The following AAGAB variants were observed in gnomAD, a reference collection of about 807,000 sequenced individuals.
The protein encoded by AAGAB is alpha and gamma adaptin binding protein.
AAGAB carries 38 observed loss-of-function variants against 44.1 expected under a neutral mutation model. The ratio of observed to expected loss-of-function variants is 0.86; its 90% CI spans 0.67 to 1.13. AAGAB has a LOEUF of 1.13. Among genes scored for constraint, AAGAB ranks in the 50% most tolerant of loss-of-function variants. The pLI, the probability that AAGAB is intolerant of heterozygous loss-of-function variation, is 0.00. For synonymous variants in AAGAB, 131 were observed against 131.8 expected, an observed-to-expected ratio of 0.99 and a Z score of 0.04; for missense variants, 450 against 373.8, an observed-to-expected ratio of 1.20 and a Z score of -1.68.
At chr15:67,238,852 T>C (rs940268214) in intron 1 of AAGAB, among the ~76,000 whole-genome samples, 2 of 152,116 alleles carry the variant, frequency 1.3e-5, no homozygotes, top group Non-Finnish European at 2.9e-5. Flanking sequence ...CCCGCCACCA[T>C]GCCCAGCTAA....
intron 5 of AAGAB, among the ~76,000 whole-genome samples, chr15:67,216,931 A>G (rs186662288): frequency 1.8e-4 from 27 of 152,306 alleles, no homozygotes; most frequent in Admixed American, 1.8e-3. Context: ...CTTACAGTTA[A>G]TTTTAAGGGT....
intron 5 of AAGAB, among the ~76,000 whole-genome samples, chr15:67,225,822 T>C (rs941302527): frequency 4.6e-5 from 7 of 152,226 alleles, no homozygotes; most frequent in African/African-American, 1.7e-4. Context: ...TGAATAATAC[T>C]GCTATGAACA....
rs112136712 is a variant in AAGAB at position 67,253,928 on chromosome 15, T to C, written c.73+631A>G. On this transcript the variant is annotated intron_variant, in intron 1 of 9. Transcript: ENST00000261880. ...TTAGTAGAGTTGGCTTATTATCCAGTCCCATGTTCTCTCTTTTAAGAGTTA... is the reference window on the plus strand; with the variant it reads ...TTAGTAGAGTTGGCTTATTATCCAGCCCCATGTTCTCTCTTTTAAGAGTTA... 5.7e-3 allele frequency among the ~76,000 whole-genome samples: 868 copies of C among 152,248 alleles called. 6 individuals are homozygous for C. Among genetic ancestry groups the C allele is most frequent in the African/African-American group, 0.02 (820 of 41,546 alleles).
At chr15:67,242,429 C>CAAAAAAAAAAAAAAA (rs59817309) in intron 1 of AAGAB, among the ~76,000 whole-genome samples, 1 of 58,756 alleles carries the variant, frequency 1.7e-5, no homozygotes, top group African/African-American at 5.5e-5. Context: ...GACTCCGTCT[C>CAAAAAAAAAAAAAAA]AAAAAAAAAA....
chr15:67,204,069 G>A lies in AAGAB; in HGVS notation c.795C>T (p.Leu265=). Residue 265 remains leucine (L), a synonymous_variant, in exon 8 of 10, where the codon CTC becomes CTT. Coordinates refer to ENST00000261880, the MANE Select transcript of AAGAB (RefSeq NM_024666.5). ...CTTTCATTTCCTTTAACTTTGAAAA[G>A]AGTCTTTCAAAATTCTCCACATCTC... ...GGGDVENFER[L]FSKLKEMKDK... The A allele has an allele frequency of 1.9e-6, 3 of 1,607,656 alleles. No individual in the cohort carries two copies. Among genetic ancestry groups the A allele is most frequent in the Non-Finnish European group, 2.6e-6 (3 of 1,174,300 alleles).
chr15:67,255,153 C>T (rs1006809834), upstream of AAGAB: 9 of 603,928 alleles, frequency 1.5e-5, no homozygotes, highest in Non-Finnish European at 2.7e-5. Context: ...GGTTACGCCC[C>T]AGAAGCAGGA....
intron 5 of AAGAB, among the ~76,000 whole-genome samples, chr15:67,226,403 T>G (rs896968838): frequency 2.6e-5 from 4 of 152,196 alleles, no homozygotes; most frequent in African/African-American, 9.6e-5. Flanking sequence ...ATTTCGGGCG[T>G]GAGACACCAT....
chr15:67,254,883 T>C (rs529318414), upstream of AAGAB: 163 of 1,613,174 alleles, frequency 1.0e-4, 2 homozygotes, highest in South Asian at 1.7e-3. Context: ...AGGTAGCCGT[T>C]CCCTGACCTA....
At chr15:67,216,245 C>T (rs1215748199) in intron 5 of AAGAB, among the ~76,000 whole-genome samples, 1 of 151,582 alleles carries the variant, frequency 6.6e-6, no homozygotes, top group African/African-American at 2.4e-5. Context: ...AGCTCGAAAC[C>T]AGCGTGGCCA....
chr15:67,254,804 C>A (rs1567038326), upstream of AAGAB: 10 of 1,417,036 alleles, frequency 7.1e-6, no homozygotes, highest in Non-Finnish European at 9.8e-6. Flanking sequence ...CCAGGTCGCG[C>A]GCGGTGTTGC....
At chr15:67,237,522 T>C (rs769281889) in intron 1 of AAGAB, among the ~76,000 whole-genome samples, 1 of 152,230 alleles carries the variant, frequency 6.6e-6, no homozygotes. Flanking sequence ...GTGCAGCATG[T>C]ATATAACAGG....
chr15:67,217,361 C>T (rs1963974119), intron 5 of AAGAB, among the ~76,000 whole-genome samples: 1 of 152,180 alleles, frequency 6.6e-6, no homozygotes, highest in Admixed American at 6.5e-5. Context: ...GAACTGTCTT[C>T]ATTAACGATT....
intron 1 of AAGAB, 125 bp downstream of exon 1, chr15:67,254,434 C>T: frequency 6.9e-7 from 1 of 1,451,970 alleles, no homozygotes; most frequent in South Asian, 1.4e-5. Context: ...TGGGCGCCTC[C>T]ACTGACTGGA....
At chr15:67,255,001 C>T (rs1006367107), upstream of AAGAB, 16 of 1,544,176 alleles carry the variant, frequency 1.0e-5, no homozygotes, top group Non-Finnish European at 1.2e-5. Flanking sequence ...CACTTCCGAG[C>T]GAGGTCCCGC....
At chr15:67,242,621 T>A (rs965976842) in intron 1 of AAGAB, 3 of 152,172 alleles carry the variant, frequency 2.0e-5, no homozygotes, top group African/African-American at 7.2e-5. Flanking sequence ...ACTGCTCCAG[T>A]GGAAAGGGAC....
chr15:67,207,736 G>A (rs1963718019), intron 7 of AAGAB, among the ~76,000 whole-genome samples: 1 of 152,096 alleles, frequency 6.6e-6, no homozygotes, highest in African/African-American at 2.4e-5. Flanking sequence ...ACCCACTTCA[G>A]TGTGATTACT....
At chr15:67,222,650 C>T (rs1203150141) in intron 5 of AAGAB, among the ~76,000 whole-genome samples, 1 of 152,128 alleles carries the variant, frequency 6.6e-6, no homozygotes, top group African/African-American at 2.4e-5. Context: ...CACTTGTACA[C>T]TGGAGCCCAT....
chr15:67,248,829 G>A (rs1282354404), intron 1 of AAGAB, among the ~76,000 whole-genome samples: 1 of 152,148 alleles, frequency 6.6e-6, no homozygotes, highest in Non-Finnish European at 1.5e-5. Context: ...CTGAGGACCG[G>A]AGGGTTATTT....
In AAGAB at chr15:67,235,991, G is replaced by T; in HGVS notation, c.439C>A (p.Pro147Thr). Residue 147 changes from proline (P) to threonine (T), a missense_variant, in exon 4 of 10, where the codon CCT (proline) becomes ACT (threonine). Physicochemically the swap from Pro to Thr is conservative, Grantham distance 38 (BLOSUM62 -1). Coordinates refer to ENST00000261880, the MANE Select transcript of AAGAB (RefSeq NM_024666.5). ...ELVELSPEEL[P>T]EEDDDFPEST... is the part of the protein sequence containing the mutation. ...CATAAACACTTACCATCCTCCTCAG[G>T]CAACTCCTCTGGACTAAGTTCTACC... The T allele has an allele frequency of 1.2e-6, 2 of 1,610,022 alleles. No individual in the cohort carries two copies. Among genetic ancestry groups the T allele is most frequent in the Non-Finnish European group, 1.7e-6 (2 of 1,177,580 alleles).
Sources: gnomAD v4.1 joint callset for allele counts (sites outside exome capture counted in the v4.1 genomes callset) on GRCh38, gnomAD v4.1.1 for gene constraint, MANE v1.5 for transcripts, NCBI Gene and HGNC (gene_info 2026-07-23, HGNC 2026-07-21) for gene names.